BABAM2: variants seen among roughly 807,000 people sequenced by gnomAD.
The protein encoded by BABAM2 is BRISC and BRCA1 A complex member 2, also known as BRISC and BRCA1-A complex member 2.
In BABAM2, 31 loss-of-function variants were observed where a neutral mutation model predicts 54.7. That is an observed-to-expected ratio of 0.57 (90% CI 0.43 to 0.77). The LOEUF (loss-of-function observed/expected upper bound fraction) is 0.77. Among genes scored for constraint, BABAM2 ranks in the 30% least tolerant of loss-of-function variants. BABAM2 has a pLI of 0.00. For synonymous variants in BABAM2, 167 were observed against 162.9 expected, an observed-to-expected ratio of 1.03 and a Z score of -0.19; for missense variants, 364 against 455.8, an observed-to-expected ratio of 0.80 and a Z score of 1.83.
intron 7 of BABAM2, among the ~76,000 whole-genome samples, chr2:28,161,410 G>C (rs1024265778): frequency 1.3e-5 from 2 of 152,160 alleles, no homozygotes; most frequent in East Asian, 1.9e-4. Context: ...ATGGGAGCAA[G>C]AGTTGGGTTG....
chr2:27,945,074 A>G (rs1007632395), intron 3 of BABAM2, among the ~76,000 whole-genome samples: 1 of 151,848 alleles, frequency 6.6e-6, no homozygotes, highest in African/African-American at 2.4e-5. Flanking sequence ...TAGTGGCACA[A>G]TCATAGCAAT....
chr2:28,046,128 C>T (rs978777533), intron 6 of BABAM2, among the ~76,000 whole-genome samples: 4 of 152,166 alleles, frequency 2.6e-5, no homozygotes, highest in Non-Finnish European at 5.9e-5. Context: ...GTCACCACTC[C>T]ATTCTGCAAA....
intron 7 of BABAM2, among the ~76,000 whole-genome samples, chr2:28,180,963 T>A (rs1675562340): frequency 6.6e-6 from 1 of 152,056 alleles, no homozygotes; most frequent in Admixed American, 6.6e-5. Context: ...AAACAACAGA[T>A]GTCTAGTGAA....
chr2:28,053,849 T>C (rs1678187670), intron 6 of BABAM2, among the ~76,000 whole-genome samples: 1 of 152,088 alleles, frequency 6.6e-6, no homozygotes, highest in African/African-American at 2.4e-5. Flanking sequence ...ACAGACAATA[T>C]GTAAATGAAT....
intron 6 of BABAM2, among the ~76,000 whole-genome samples, chr2:28,064,925 C>T (rs913119349): frequency 4.6e-5 from 7 of 151,934 alleles, no homozygotes; most frequent in East Asian, 1.9e-4. Context: ...AATGCTTGAA[C>T]CTGGGAGGCG....
chr2:27,954,982 G>C (rs571268993), intron 3 of BABAM2, among the ~76,000 whole-genome samples: 1 of 152,232 alleles, frequency 6.6e-6, no homozygotes, highest in African/African-American at 2.4e-5. Context: ...ACCTTCGATG[G>C]GCTTTTAACA....
intron 6 of BABAM2, among the ~76,000 whole-genome samples, chr2:28,048,122 C>T (rs1241118901): frequency 1.3e-5 from 2 of 152,162 alleles, no homozygotes; most frequent in African/African-American, 2.4e-5. Flanking sequence ...TATAGTTTTA[C>T]CTTATCATTT....
intron 11 of BABAM2, among the ~76,000 whole-genome samples, chr2:28,315,657 A>T (rs192839197): frequency 0.016 from 2,336 of 146,964 alleles, 23 homozygotes; most frequent in South Asian, 0.035. Flanking sequence ...TTATTTATTT[A>T]TTTTTTATTT....
upstream of BABAM2, chr2:27,890,658 T>TCGGCG (rs1340905449): frequency 4.3e-6 from 1 of 230,440 alleles, no homozygotes; most frequent in Non-Finnish European, 8.5e-6. This position sits in a 1 kb window ranked among gnomAD's most constrained non-coding sequence, Gnocchi z 4.8. Context: ...AGCGCCCGGC[T>TCGGCG]CGGCGCGGCG....
intron 6 of BABAM2, among the ~76,000 whole-genome samples, chr2:28,067,071 A>G (rs950296159): frequency 6.6e-6 from 1 of 152,160 alleles, no homozygotes; most frequent in Admixed American, 6.5e-5. Flanking sequence ...AGCTGGGATT[A>G]CAGGCATGTG....
chr2:28,236,944 A>G (rs749009964), intron 7 of BABAM2, among the ~76,000 whole-genome samples: 7 of 152,226 alleles, frequency 4.6e-5, no homozygotes, highest in Non-Finnish European at 7.3e-5. Flanking sequence ...TTGGTAAGAC[A>G]TTTACCCATG....
intron 10 of BABAM2, among the ~76,000 whole-genome samples, chr2:28,251,660 G>A (rs1018940216): frequency 6.6e-6 from 1 of 152,104 alleles, no homozygotes; most frequent in Non-Finnish European, 1.5e-5. Flanking sequence ...AACCAAAACT[G>A]TGATGTTGCT....
intron 10 of BABAM2, among the ~76,000 whole-genome samples, chr2:28,247,942 CT>C (rs1475680454): frequency 1.3e-5 from 2 of 152,170 alleles, no homozygotes; most frequent in Non-Finnish European, 2.9e-5. Context: ...GGAGTGGGGA[CT>C]GTGGCCATGA....
intron 7 of BABAM2, among the ~76,000 whole-genome samples, chr2:28,135,026 A>G (rs895959301): frequency 2.0e-5 from 3 of 152,200 alleles, no homozygotes; most frequent in Non-Finnish European, 4.4e-5. Context: ...TTTCAGTTTC[A>G]TCTACTCCAA....
chr2:27,919,319 TTTC>T (rs1667196192), intron 2 of BABAM2, among the ~76,000 whole-genome samples: 1 of 152,224 alleles, frequency 6.6e-6, no homozygotes, highest in Non-Finnish European at 1.5e-5. Flanking sequence ...GTAAGTTCTG[TTTC>T]TTCTTTTCCA....
At chr2:28,210,015 A>G (rs1358049737) in intron 7 of BABAM2, among the ~76,000 whole-genome samples, 1 of 152,114 alleles carries the variant, frequency 6.6e-6, no homozygotes, top group East Asian at 1.9e-4. Context: ...TTCCATTCCC[A>G]TTGTGTGTAA....
chr2:28,100,550 G>A (rs1442309281), intron 6 of BABAM2, among the ~76,000 whole-genome samples: 6 of 151,106 alleles, frequency 4.0e-5, no homozygotes, highest in Non-Finnish European at 8.8e-5. Flanking sequence ...GTGTATGCCC[G>A]TTCCTGCCGT....
intron 7 of BABAM2, among the ~76,000 whole-genome samples, chr2:28,152,369 T>C (rs1672134009): frequency 6.6e-6 from 1 of 152,188 alleles, no homozygotes; most frequent in African/African-American, 2.4e-5. Flanking sequence ...AGTACCAGCT[T>C]TGATTTCTCT....
chr2:28,215,087 G>A lies in BABAM2; in HGVS notation c.681-22115G>A, dbSNP rs115799509. Among the ~76,000 whole-genome samples the A allele has an allele frequency of 7.1e-3, 1,078 of 152,116 alleles. 12 individuals carry two copies. Among genetic ancestry groups the A allele is most frequent in the Admixed American group, 0.025 (381 of 15,264 alleles). ...TCTTTTTCACTGCATTTACTTCTGC[G>A]TGTGTGTTTGTGTGTAGCTTTGTAC... On this transcript the variant is annotated intron_variant, in intron 7 of 11. Transcript: ENST00000379624.
Sources: allele counts gnomAD v4.1 joint callset (sites outside exome capture counted in the v4.1 genomes callset), GRCh38; gene constraint gnomAD v4.1.1; non-coding constraint Gnocchi (gnomAD v3.1); transcripts MANE v1.5; gene names NCBI Gene and HGNC (gene_info 2026-07-23, HGNC 2026-07-21).